The following SYNJ2 variants were observed in gnomAD, a reference collection of about 807,000 sequenced individuals.
SYNJ2 encodes the protein synaptojanin 2.
A neutral mutation model predicts 141.3 loss-of-function variants in SYNJ2; 116 were observed. The observed-to-expected ratio is 0.82, with a 90% confidence interval of 0.71 to 0.96. The LOEUF is 0.96. Among genes scored for constraint, SYNJ2 ranks in the 40% least tolerant of loss-of-function variants. The pLI, the probability that SYNJ2 is intolerant of heterozygous loss-of-function variation, is 0.00. For synonymous variants in SYNJ2, 745 were observed against 777.7 expected (o/e 0.96, Z 0.70); for missense variants, 1,873 against 1,934.8 (o/e 0.97, Z 0.60).
intron 4 of SYNJ2, among the ~76,000 whole-genome samples, chr6:158,039,746 G>A (rs549649578): frequency 3.3e-4 from 51 of 152,240 alleles, no homozygotes; most frequent in African/African-American, 1.1e-3. Context: ...TCTGCATCTC[G>A]GTGGCCTCGC....
At position 158,071,554 on chromosome 6, in the gene SYNJ2, C is replaced by T; in HGVS notation, c.1941-48C>T. The T allele has an allele frequency of 1.3e-6, 2 of 1,580,180 alleles. No homozygotes were observed. Among genetic ancestry groups the T allele is most frequent in the Non-Finnish European group, 1.7e-6 (2 of 1,163,324 alleles). ...CCTTCTCTGTGGCAAAGCAGGGTCA[C>T]ACTTCTCCTTCAGGAGCCGACGGCA... On this transcript the variant is annotated intron_variant, in intron 14 of 26. Transcript: ENST00000355585. The surrounding 1 kb of genome is among the most constrained non-coding windows in gnomAD (Gnocchi z 4.3).
intron 1 of SYNJ2, among the ~76,000 whole-genome samples, chr6:158,009,888 G>A (rs979547453): frequency 3.0e-4 from 46 of 152,202 alleles, no homozygotes; most frequent in African/African-American, 1.1e-3. Flanking sequence ...ACCAGCTAAT[G>A]GCAGGTGTGT....
At position 158,098,065 on chromosome 6, in the gene SYNJ2, A is replaced by G. The variant is rs1783880592; in HGVS notation, c.*1701A>G. The G allele has an allele frequency of 7.1e-6, 1 of 141,250 alleles. No homozygotes were observed. Among genetic ancestry groups the G allele is most frequent in the African/African-American group, 2.7e-5 (1 of 36,948 alleles). The allele number at this position is 141,250 out of a possible 1,614,324, so 8.7% of individuals were successfully genotyped here. A position where few individuals can be genotyped will look rare whatever the true frequency, so the allele number is the denominator to read the frequency against. On this transcript the variant is annotated 3_prime_UTR_variant, in exon 27 of 27. Coordinates refer to ENST00000355585, the MANE Select transcript of SYNJ2 (RefSeq NM_003898.4). ...GTTCCTTGGAGAAGCTGATTTGCCA[A>G]GATGCACATCGCTATTAACAGCCAG...
At chr6:158,074,558 T>A in intron 15 of SYNJ2, 22 bp from the exon 16 acceptor site, 2 of 1,606,488 alleles carry the variant, frequency 1.2e-6, no homozygotes, top group Non-Finnish European at 1.7e-6. Context: ...GCTGAATGAT[T>A]ATGATTTTCT....
rs901564599 is a variant in SYNJ2, at chr6:158,071,491, G to T, written c.1941-111G>T. The T allele has an allele frequency of 7.9e-7, 1 of 1,262,482 alleles. No individual in the cohort carries two copies. Among genetic ancestry groups the T allele is most frequent in the Admixed American group, 2.5e-5 (1 of 39,784 alleles). The allele number at this position is 1,262,482 out of a possible 1,614,324, so 78.2% of individuals were successfully genotyped here. ...CCACTGTGTTGAGCTGATGATTTTGGAGCACTCAGAGCAGCAGGTCCCGAG... is the reference window on the plus strand; with the variant it reads ...CCACTGTGTTGAGCTGATGATTTTGTAGCACTCAGAGCAGCAGGTCCCGAG... On this transcript the variant is annotated intron_variant, in intron 14 of 26. Coordinates refer to ENST00000355585, the MANE Select transcript of SYNJ2 (RefSeq NM_003898.4). This position sits in a 1 kb window ranked among gnomAD's most constrained non-coding sequence, Gnocchi z 4.3.
rs905552641 is a variant in SYNJ2 at position 158,098,904 on chromosome 6, T to A, written c.*2540T>A. ...TCTTAAAATATGTTTTGGTTAATGA[T>A]TGAATTAGGACATCAGCTTAAGCAA... is the stretch of plus-strand genomic sequence containing the variant. On this transcript the variant is annotated 3_prime_UTR_variant, in exon 27 of 27. Transcript: ENST00000355585. The A allele has an allele frequency of 1.9e-4, 29 of 152,356 alleles. 1 individual carries two copies. Among genetic ancestry groups the A allele is most frequent in the African/African-American group, 7.0e-4 (29 of 41,576 alleles). 9.4% of individuals were successfully genotyped at this position (152,356 alleles called of 1,614,324 possible).
In SYNJ2 at chr6:158,098,316, A is replaced by G. The variant is rs1217589411; in HGVS notation, c.*1952A>G. 2 of 152,226 alleles carry G rather than the reference A, an allele frequency of 1.3e-5. No homozygotes were observed. The highest frequency in any genetic ancestry group is 2.1e-4 in the South Asian group (1 of 4,826). The allele number at this position is 152,226 out of a possible 1,614,324, so 9.4% of individuals were successfully genotyped here. On this transcript the variant is annotated 3_prime_UTR_variant, in exon 27 of 27. Transcript: ENST00000355585. ...ACCAAATAAATGGGACAGAGAATAA[A>G]ATTTTTGTTAAAATATGTGCTCATC...
intron 4 of SYNJ2, among the ~76,000 whole-genome samples, chr6:158,041,676 A>G (rs934540919): frequency 2.0e-5 from 3 of 152,188 alleles, no homozygotes; most frequent in African/African-American, 7.2e-5. Flanking sequence ...GAAGGGAGAC[A>G]TTCCTCAGCC....
chr6:158,053,140 A>G (rs1315900261), intron 5 of SYNJ2, among the ~76,000 whole-genome samples: 2 of 152,192 alleles, frequency 1.3e-5, no homozygotes, highest in African/African-American at 4.8e-5. Context: ...TGGATCCCTG[A>G]CCAGAATGCT....
chr6:157,984,283 T>A (rs996239387), intron 1 of SYNJ2, among the ~76,000 whole-genome samples: 1 of 152,268 alleles, frequency 6.6e-6, no homozygotes, highest in African/African-American at 2.4e-5. Context: ...GTTTAAAACT[T>A]TCAACATATC....
In SYNJ2 at chr6:158,078,808, TG is replaced by T. The variant is rs771308253; in HGVS notation, c.2567+528del. On this transcript the variant is annotated intron_variant, in intron 18 of 26. Transcript: ENST00000355585. ...ACAACCTTTTTTTTTTTTTTTTTTTTGAGAGAGAGTCTTGCTCTATTGCCCA... is the reference window on the plus strand; with the variant it reads ...ACAACCTTTTTTTTTTTTTTTTTTTTAGAGAGAGTCTTGCTCTATTGCCCA... 973 of 137,168 alleles carry T rather than the reference TG, an allele frequency of 7.1e-3. 4 individuals are homozygous for T. Among genetic ancestry groups the T allele is most frequent in the Non-Finnish European group, 8.8e-3 (571 of 65,218 alleles). The allele number at this position is 137,168 out of a possible 1,614,324, so 8.5% of individuals were successfully genotyped here.
intron 1 of SYNJ2, among the ~76,000 whole-genome samples, chr6:158,007,515 G>A (rs1012079778): frequency 2.6e-5 from 4 of 152,170 alleles, no homozygotes; most frequent in African/African-American, 7.2e-5. Context: ...CTTGAACCCT[G>A]TCTTTCTCTC....
intron 5 of SYNJ2, among the ~76,000 whole-genome samples, chr6:158,050,849 T>G (rs1288393764): frequency 2.0e-5 from 3 of 152,114 alleles, no homozygotes; most frequent in Non-Finnish European, 4.4e-5. Flanking sequence ...TCTGGGTCTT[T>G]CCATGGGGGT....
chr6:158,015,868 A>G (rs1778434178), intron 1 of SYNJ2, among the ~76,000 whole-genome samples: 1 of 152,200 alleles, frequency 6.6e-6, no homozygotes, highest in Non-Finnish European at 1.5e-5. Context: ...ATTGAGATAT[A>G]ATTTCTGTAC....
chr6:158,042,092 C>T lies in SYNJ2; in HGVS notation c.712-1224C>T, dbSNP rs534525812. Among the ~76,000 whole-genome samples the T allele has an allele frequency of 7.9e-5, 12 of 152,320 alleles. No homozygotes were observed. The South Asian group carries it at 8.3e-4, about 11-fold the overall frequency. On this transcript the variant is annotated intron_variant, in intron 4 of 26. Coordinates refer to ENST00000355585, the MANE Select transcript of SYNJ2 (RefSeq NM_003898.4). ...AACCTGGGCCTATGCAGGGCACACACGCCGGTCAGTTGTATGTACCTAATT... is the reference window on the plus strand; with the variant it reads ...AACCTGGGCCTATGCAGGGCACACATGCCGGTCAGTTGTATGTACCTAATT...
chr6:158,071,631 G>C lies in SYNJ2; in HGVS notation c.1970G>C (p.Gly657Ala). 11 of 1,614,064 alleles carry C rather than the reference G, an allele frequency of 6.8e-6. No individual in the cohort carries two copies. Among genetic ancestry groups the C allele is most frequent in the Non-Finnish European group, 8.5e-6 (10 of 1,180,038 alleles). ...GTAGCCATCGACACAGTGAAGACGG[G>C]CATGGGGGGCAAGGCGGGGAACAAG... is the stretch of plus-strand genomic sequence containing the variant. ...RDVAIDTVKTGMGGKAGNKGA... is the reference protein window; with the variant it reads ...RDVAIDTVKTAMGGKAGNKGA... The change falls in exon 15 of 27, where the codon GGC becomes GCC. Residue 657 changes from glycine (G) to alanine (A), a missense_variant. Physicochemically the swap from Gly to Ala is moderately conservative, Grantham distance 60 (BLOSUM62 0). Coordinates refer to ENST00000355585, the MANE Select transcript of SYNJ2 (RefSeq NM_003898.4). The surrounding 1 kb of genome is among the most constrained non-coding windows in gnomAD (Gnocchi z 4.3).
chr6:158,011,168 C>T (rs1248309972), intron 1 of SYNJ2, among the ~76,000 whole-genome samples: 3 of 152,092 alleles, frequency 2.0e-5, no homozygotes, highest in East Asian at 1.9e-4. Flanking sequence ...AGAATTGCCA[C>T]GCGACGACGG....
At position 158,099,029 on chromosome 6, in the gene SYNJ2, C is replaced by T. The variant is rs1426379657; in HGVS notation, c.*2665C>T. The T allele has an allele frequency of 2.0e-5, 3 of 152,154 alleles. No individual in the cohort carries two copies. Among genetic ancestry groups the T allele is most frequent in the Non-Finnish European group, 4.4e-5 (3 of 68,038 alleles). 9.4% of individuals were successfully genotyped at this position (152,154 alleles called of 1,614,324 possible). A position where few individuals can be genotyped will look rare whatever the true frequency, so the allele number is the denominator to read the frequency against. Reference sequence around the variant, plus strand: ...ACAAAGTAATGTATCAAAGCGTTCACTTTATAATGAAGTCATTTCATTGGG... The same window carrying T: ...ACAAAGTAATGTATCAAAGCGTTCATTTTATAATGAAGTCATTTCATTGGG... On this transcript the variant is annotated 3_prime_UTR_variant, in exon 27 of 27. Coordinates refer to ENST00000355585, the MANE Select transcript of SYNJ2 (RefSeq NM_003898.4).
chr6:158,039,129 C>G (rs1779797381), intron 4 of SYNJ2, among the ~76,000 whole-genome samples: 1 of 152,234 alleles, frequency 6.6e-6, no homozygotes, highest in South Asian at 2.1e-4. Context: ...TTGTATAAGC[C>G]AAGGGAACCC....
Sources: allele counts gnomAD v4.1 joint callset (sites outside exome capture counted in the v4.1 genomes callset), GRCh38; gene constraint gnomAD v4.1.1; non-coding constraint Gnocchi (gnomAD v3.1); transcripts MANE v1.5; gene names NCBI Gene and HGNC (gene_info 2026-07-23, HGNC 2026-07-21).